The following SETD7 variants were observed in gnomAD, a reference collection of about 807,000 sequenced individuals.
The protein encoded by SETD7 is SET domain containing 7, histone lysine methyltransferase.
A neutral mutation model predicts 41.8 loss-of-function variants in SETD7; 16 were observed. The observed-to-expected ratio is 0.38, with a 90% CI of 0.26 to 0.58. SETD7 has a LOEUF of 0.58. SETD7 is among the 20% of genes least tolerant of loss of function. The pLI is 0.64. For missense variants in SETD7, 346 were observed against 459.7 expected (o/e 0.75, Z 2.26); for synonymous variants, 163 against 169.7 (o/e 0.96, Z 0.31).
At chr4:139,543,832 T>C (rs375953577) in intron 2 of SETD7, among the ~76,000 whole-genome samples, 200 of 147,060 alleles carry the variant, frequency 1.4e-3, no homozygotes, top group Middle Eastern at 3.6e-3. Flanking sequence ...GGCGTGGTGG[T>C]GGGCGCCTGT....
chr4:139,550,462 A>C (rs1438307041), intron 1 of SETD7, among the ~76,000 whole-genome samples: 1 of 152,166 alleles, frequency 6.6e-6, no homozygotes, highest in African/African-American at 2.4e-5. Flanking sequence ...CTAGAGATTA[A>C]GGGTTGTGAT....
exon 8 of SETD7, chr4:139,496,421 T>C (rs1279491836): frequency 1.4e-6 from 1 of 702,532 alleles, no homozygotes; most frequent in Non-Finnish European, 2.6e-6. Context: ...ATGCCAGCTT[T>C]TCTGTGTTCT....
intron 2 of SETD7, among the ~76,000 whole-genome samples, chr4:139,544,071 T>C (rs1428497556): frequency 1.3e-5 from 2 of 152,050 alleles, no homozygotes; most frequent in Non-Finnish European, 2.9e-5. Context: ...GGTGGATCAC[T>C]TGAGCTCAGG....
Position 139,508,760 on chromosome 4 carries a change from C to T in SETD7, c.*2903G>A, listed in dbSNP as rs1261515973. 1 of 152,318 alleles carries T rather than the reference C, an allele frequency of 6.6e-6. No homozygotes were observed. Among genetic ancestry groups the T allele is most frequent in the East Asian group, 1.9e-4 (1 of 5,188 alleles). 9.4% of individuals were successfully genotyped at this position (152,318 alleles called of 1,614,324 possible). On this transcript the variant is annotated 3_prime_UTR_variant, in exon 8 of 8. Coordinates refer to ENST00000274031, the MANE Select transcript of SETD7 (RefSeq NM_030648.4). Reference sequence around the variant, plus strand: ...GCGGCTTCCTGACACATTTCCTTCCCCAGCAGATGTAAAGTAGAAAAATAC... The same window carrying T: ...GCGGCTTCCTGACACATTTCCTTCCTCAGCAGATGTAAAGTAGAAAAATAC...
At chr4:139,546,836 C>G in intron 2 of SETD7, 84 bp downstream of exon 2, 1 of 1,573,108 alleles carries the variant, frequency 6.4e-7, no homozygotes, top group Non-Finnish European at 8.7e-7. Flanking sequence ...GAAAAACTTC[C>G]ACTTGAATTC....
intron 7 of SETD7, among the ~76,000 whole-genome samples, chr4:139,513,607 T>C (rs560750729): frequency 5.9e-5 from 9 of 152,286 alleles, no homozygotes; most frequent in African/African-American, 2.2e-4. Context: ...TTGGGTATCA[T>C]ATCATGTTTT....
rs1416426484 is a variant in SETD7, at chr4:139,556,201, C to A, written c.-64G>T. Reference sequence around the variant, plus strand: ...TGCCTCCCGTCCCTCTGGGTGCTCCCGGCGGCTGAGCGAGCTCTGGGGCTC... The same window carrying A: ...TGCCTCCCGTCCCTCTGGGTGCTCCAGGCGGCTGAGCGAGCTCTGGGGCTC... On this transcript the variant is annotated 5_prime_UTR_variant, in exon 1 of 8. Coordinates refer to ENST00000274031, the MANE Select transcript of SETD7 (RefSeq NM_030648.4). 4.6e-6 allele frequency: 7 copies of A among 1,533,232 alleles called. No individual in the cohort carries two copies. Among genetic ancestry groups the A allele is most frequent in the African/African-American group, 4.2e-5 (3 of 71,436 alleles). The allele number at this position is 1,533,232 out of a possible 1,614,324, so 95.0% of individuals were successfully genotyped here. A position where few individuals can be genotyped will look rare whatever the true frequency, so the allele number is the denominator to read the frequency against.
chr4:139,505,639 G>C (rs1226427356), downstream of SETD7, among the ~76,000 whole-genome samples: 2 of 152,044 alleles, frequency 1.3e-5, no homozygotes, highest in African/African-American at 4.8e-5. Flanking sequence ...AGGAATAAGG[G>C]ATTGCCAGGG....
intron 7 of SETD7, among the ~76,000 whole-genome samples, chr4:139,517,035 A>T (rs1452457030): frequency 6.6e-6 from 1 of 152,222 alleles, no homozygotes; most frequent in Non-Finnish European, 1.5e-5. Flanking sequence ...AGTGTCTACA[A>T]TTCTCATCCA....
intron 3 of SETD7, among the ~76,000 whole-genome samples, chr4:139,529,432 C>G (rs770033308): frequency 6.6e-6 from 1 of 152,144 alleles, no homozygotes; most frequent in African/African-American, 2.4e-5. Context: ...GAAAGTCATA[C>G]GCATTTGGGG....
At position 139,496,873 on chromosome 4, in the gene SETD7, T is replaced by TAC. The variant is rs371772681; in HGVS notation, c.921-354_921-353dup. Among the ~76,000 whole-genome samples the TAC allele has an allele frequency of 6.6e-3, 982 of 149,840 alleles. 5 individuals are homozygous for TAC. Among genetic ancestry groups the TAC allele is most frequent in the African/African-American group, 0.017 (666 of 40,308 alleles). Reference sequence around the variant, plus strand: ...CGTACTTAGATAAGTTGTGTTCCTGTACACACACACACACACATGCACACA... The same window carrying TAC: ...CGTACTTAGATAAGTTGTGTTCCTGTACACACACACACACACACATGCACACA... On this transcript the variant is annotated intron_variant, in intron 7 of 7. Transcript: ENST00000506866.
In SETD7 at chr4:139,510,250, A is replaced by AGCTG. The variant is rs1726833229; in HGVS notation, c.*1412_*1413insCAGC. ...ACAGCTGACAGCTACAGATCAGCACAACAGCTGCTCTCCAGTCCTTCCAGC... is the reference window on the plus strand; with the variant it reads ...ACAGCTGACAGCTACAGATCAGCACAGCTGACAGCTGCTCTCCAGTCCTTCCAGC... On this transcript the variant is annotated 3_prime_UTR_variant, in exon 8 of 8. Coordinates refer to ENST00000274031, the MANE Select transcript of SETD7 (RefSeq NM_030648.4). The AGCTG allele has an allele frequency of 6.3e-4, 5 of 7,980 alleles. No homozygotes were observed. The allele number at this position is 7,980 out of a possible 1,614,324, so 0.5% of individuals were successfully genotyped here. A position where few individuals can be genotyped will look rare whatever the true frequency, so the allele number is the denominator to read the frequency against.
intron 7 of SETD7, 21 bp downstream of exon 7, chr4:139,517,864 G>C: frequency 6.2e-7 from 1 of 1,602,320 alleles, no homozygotes; most frequent in Non-Finnish European, 8.5e-7. Flanking sequence ...ATCCGCCCCA[G>C]CAGCTCTGGG....
intron 4 of SETD7, among the ~76,000 whole-genome samples, chr4:139,525,433 G>C (rs1727300793): frequency 6.6e-6 from 1 of 152,012 alleles, no homozygotes; most frequent in African/African-American, 2.4e-5. Flanking sequence ...TTCCTCTATA[G>C]TATGCTATGC....
rs190196498 is a variant in SETD7 at position 139,537,067 on chromosome 4, C to T, written c.171-3701G>A. Among the ~76,000 whole-genome samples, 562 of 152,288 alleles carry T rather than the reference C, an allele frequency of 3.7e-3. 1 individual carries two copies. The highest frequency in any genetic ancestry group is 0.013 in the African/African-American group (526 of 41,576). On this transcript the variant is annotated intron_variant, in intron 2 of 7. Transcript: ENST00000274031. The stretch of plus-strand genomic sequence containing the variant: ...CTTGGCTCACTGCAACCTCTGCCTC[C>T]TAGGTTCAAGTGATTCTCCTGCCTC...
intron 3 of SETD7, among the ~76,000 whole-genome samples, chr4:139,529,990 T>C (rs1347975624): frequency 6.6e-6 from 1 of 152,204 alleles, no homozygotes; most frequent in Non-Finnish European, 1.5e-5. Context: ...ATTTACTTCA[T>C]TGCTAGGGGT....
rs1180487107 is a variant in SETD7 at position 139,555,408 on chromosome 4, G to T, written c.40+690C>A. ...CGGCTGCATCCCAGCCAAGCAGGAA[G>T]GGGGAGGGGGAGGCCTGACTGAGTT... On this transcript the variant is annotated intron_variant, in intron 1 of 7. Transcript: ENST00000274031. This position sits in a 1 kb window ranked among gnomAD's most constrained non-coding sequence, Gnocchi z 4.0. Among the ~76,000 whole-genome samples the T allele has an allele frequency of 6.6e-6, 1 of 152,036 alleles. No homozygotes were observed. The highest frequency in any genetic ancestry group is 6.5e-5 in the Admixed American group (1 of 15,274).
chr4:139,517,056 T>A (rs1387820809), intron 7 of SETD7, among the ~76,000 whole-genome samples: 1 of 152,274 alleles, frequency 6.6e-6, no homozygotes, highest in Non-Finnish European at 1.5e-5. Context: ...TGTTGTAGAA[T>A]ATGTCAGTAC....
At chr4:139,500,881 G>A (rs1726557966) in intron 7 of SETD7, among the ~76,000 whole-genome samples, 2 of 152,102 alleles carry the variant, frequency 1.3e-5, no homozygotes, top group East Asian at 3.9e-4. Flanking sequence ...TGTAGAATTT[G>A]ATTCTCTTCT....
Sources: gnomAD v4.1 joint callset for allele counts (sites outside exome capture counted in the v4.1 genomes callset) on GRCh38, gnomAD v4.1.1 for gene constraint, Gnocchi (gnomAD v3.1) non-coding constraint, MANE v1.5 for transcripts, NCBI Gene and HGNC (gene_info 2026-07-23, HGNC 2026-07-21) for gene names.